COL4A2: variants seen among roughly 807,000 people sequenced by gnomAD.
COL4A2 encodes collagen alpha-2(IV) chain.
In COL4A2, 99 loss-of-function variants were observed where a neutral mutation model predicts 200.2. The ratio of observed to expected loss-of-function variants is 0.49; its 90% CI spans 0.42 to 0.58. The LOEUF is 0.58. COL4A2 is among the 20% of genes least tolerant of loss of function. COL4A2 has a pLI of 0.00. For synonymous variants in COL4A2, 897 were observed against 900.6 expected (o/e 1.00, Z 0.07); for missense variants, 1,950 against 2,314.1 (o/e 0.84, Z 3.23).
At chr13:110,485,522 CAAAAA>C (rs34819988) in intron 33 of COL4A2, 128 bp from the exon 34 acceptor site, 6,418 of 355,316 alleles carry the variant, frequency 0.018, no homozygotes, top group South Asian at 0.025. Flanking sequence ...GACTCCGTCT[CAAAAA>C]AAAAAAAAAA....
At chr13:110,411,364 A>AG (rs1348023628) in intron 4 of COL4A2, among the ~76,000 whole-genome samples, 1 of 152,392 alleles carries the variant, frequency 6.6e-6, no homozygotes, top group African/African-American at 2.4e-5. Flanking sequence ...GAGAAGGTAG[A>AG]GAAAGCATAG....
chr13:110,315,324 A>G (rs1001128918), intron 3 of COL4A2, among the ~76,000 whole-genome samples: 1 of 152,238 alleles, frequency 6.6e-6, no homozygotes, highest in Non-Finnish European at 1.5e-5. Context: ...ATCGAGGATT[A>G]TAAGTCATGA....
chr13:110,424,204 T>C (rs548001425), intron 4 of COL4A2, among the ~76,000 whole-genome samples: 97 of 152,246 alleles, frequency 6.4e-4, no homozygotes, highest in Non-Finnish European at 1.2e-3. Context: ...TATAACTTTT[T>C]TTAATAACAG....
intron 4 of COL4A2, among the ~76,000 whole-genome samples, chr13:110,371,832 G>C (rs968920457): frequency 6.6e-6 from 1 of 152,124 alleles, no homozygotes; most frequent in African/African-American, 2.4e-5. Flanking sequence ...TGGCCGTGCC[G>C]GGAGCTCATT....
At chr13:110,467,987 C>A (rs747837402) in intron 27 of COL4A2, among the ~76,000 whole-genome samples, 1 of 152,370 alleles carries the variant, frequency 6.6e-6, no homozygotes, top group East Asian at 1.9e-4. Context: ...TCTTCTGGAA[C>A]TAAGTCCCCA....
At chr13:110,429,426 C>G (rs1880592184) in intron 7 of COL4A2, 1 of 155,072 alleles carries the variant, frequency 6.4e-6, no homozygotes, top group African/African-American at 2.4e-5. Flanking sequence ...TTTACACATG[C>G]ACATATGTAT....
At chr13:110,420,901 G>A (rs1334895669) in intron 4 of COL4A2, among the ~76,000 whole-genome samples, 1 of 152,208 alleles carries the variant, frequency 6.6e-6, no homozygotes, top group Non-Finnish European at 1.5e-5. Context: ...CAGCGGAGAG[G>A]GATCCATCTG....
Position 110,429,969 on chromosome 13 carries a change from G to C in COL4A2, c.549+13G>C. 1 of 1,584,940 alleles carries C rather than the reference G, an allele frequency of 6.3e-7. No individual in the cohort carries two copies. Among genetic ancestry groups the C allele is most frequent in the Non-Finnish European group, 8.6e-7 (1 of 1,168,818 alleles). ...CGACAGATATCGGGTACGTTTGCAA[G>C]AGATGGGAGGGGTAATGAAGGGACC... On this transcript the variant is annotated intron_variant, in intron 8 of 47. Coordinates refer to ENST00000360467, the MANE Select transcript of COL4A2 (RefSeq NM_001846.4).
At chr13:110,327,387 C>G (rs2139357902) in intron 3 of COL4A2, among the ~76,000 whole-genome samples, 1 of 152,354 alleles carries the variant, frequency 6.6e-6, no homozygotes, top group Middle Eastern at 3.4e-3. Context: ...CCTCGCGTCA[C>G]AGACCACATT....
intron 4 of COL4A2, among the ~76,000 whole-genome samples, chr13:110,391,739 T>G (rs565905608): frequency 6.6e-6 from 1 of 152,216 alleles, no homozygotes; most frequent in Admixed American, 6.5e-5. Context: ...CAAAGTAATC[T>G]TTAGTATCTA....
rs757725450 is a variant in COL4A2, at chr13:110,307,970, C to T, written c.44+23C>T. 9.9e-6 allele frequency: 16 copies of T among 1,612,180 alleles called. No homozygotes were observed. Among genetic ancestry groups the T allele is most frequent in the Admixed American group, 5.0e-5 (3 of 59,950 alleles). On this transcript the variant is annotated intron_variant, in intron 2 of 47. Coordinates refer to ENST00000360467, the MANE Select transcript of COL4A2 (RefSeq NM_001846.4). This position sits in a 1 kb window ranked among gnomAD's most constrained non-coding sequence, Gnocchi z 5.0. ...GCGGTAAGCGACTTTCTGCCTGGTC[C>T]CCGTGGGTCACGCGCGCATGGACCC... is the stretch of plus-strand genomic sequence containing the variant.
chr13:110,430,381 A>G lies in COL4A2; in HGVS notation c.550-20A>G, dbSNP rs1880630964. On this transcript the variant is annotated intron_variant, in intron 8 of 47. Transcript: ENST00000360467. ...GATGGTTAAAAGCTATCACTCTTAA[A>G]ATTATTTCTTCTCCATTAGGGTGAA... 1 of 1,606,342 alleles carries G rather than the reference A, an allele frequency of 6.2e-7. No individual in the cohort carries two copies. Among genetic ancestry groups the G allele is most frequent in the African/African-American group, 1.3e-5 (1 of 74,198 alleles).
chr13:110,326,832 G>A (rs2139357339), intron 3 of COL4A2, among the ~76,000 whole-genome samples: 1 of 152,364 alleles, frequency 6.6e-6, no homozygotes, highest in African/African-American at 2.4e-5. Flanking sequence ...CTTCCCTTGA[G>A]TGTGGGTTGG....
chr13:110,308,097 G>T lies in COL4A2; in HGVS notation c.73G>T (p.Gly25Trp), dbSNP rs745779326. ...GCTGCTGCTGGGGACAGTGACCGTG[G>T]GGTTCCTCGCCCAGAGCGTCTTGGC... The part of the protein sequence containing the change: ...RWLLLGTVTV[G>W]FLAQSVLAGV... The change falls in exon 3 of 48, where the codon GGG becomes TGG. Residue 25 changes from glycine to tryptophan, a missense_variant. Transcript: ENST00000360467. 7 of 1,613,734 alleles carry T rather than the reference G, an allele frequency of 4.3e-6. No individual in the cohort carries two copies. In the South Asian group the frequency reaches 6.6e-5, roughly 15 times the overall value.
intron 4 of COL4A2, among the ~76,000 whole-genome samples, chr13:110,368,983 C>T (rs1190056157): frequency 5.9e-5 from 9 of 152,000 alleles, no homozygotes; most frequent in Non-Finnish European, 2.9e-5. Flanking sequence ...CCGAGGAGGG[C>T]GGATCACGAG....
At chr13:110,432,234 C>A in intron 10 of COL4A2, 91 bp from the exon 11 acceptor site, 1 of 1,443,178 alleles carries the variant, frequency 6.9e-7, no homozygotes, top group Non-Finnish European at 9.1e-7. Context: ...CCTAAATATA[C>A]AGTCAATGGC....
chr13:110,500,870 C>T (rs1399581423), intron 40 of COL4A2, among the ~76,000 whole-genome samples: 2 of 152,190 alleles, frequency 1.3e-5, no homozygotes, highest in African/African-American at 4.8e-5. Flanking sequence ...ACTTCACAGC[C>T]TTCTTGCACT....
chr13:110,503,810 TTGTG>T lies in COL4A2; in HGVS notation c.4139-33_4139-30del, dbSNP rs1297435467. 9 of 1,613,162 alleles carry T rather than the reference TTGTG, an allele frequency of 5.6e-6. 1 individual carries two copies. The highest frequency in any genetic ancestry group is 5.9e-6 in the Non-Finnish European group (7 of 1,179,432). Reference sequence around the variant, plus strand: ...CTCGGAGCAAGAGAGTGGAACGACCTTGTGTGTTTACTGGGGCCTCTCTGTTTCC... The same window carrying T: ...CTCGGAGCAAGAGAGTGGAACGACCTTGTTTACTGGGGCCTCTCTGTTTCC... On this transcript the variant is annotated intron_variant, in intron 43 of 47. Transcript: ENST00000360467.
chr13:110,313,613 T>C (rs112644580), intron 3 of COL4A2, among the ~76,000 whole-genome samples: 194 of 258 alleles, frequency 0.75, 92 homozygotes, highest in Non-Finnish European at 1. Context: ...CAGTGCCCCG[T>C]GTCCACCCGG....
Sources: allele counts gnomAD v4.1 joint callset (sites outside exome capture counted in the v4.1 genomes callset), GRCh38; gene constraint gnomAD v4.1.1; non-coding constraint Gnocchi (gnomAD v3.1); transcripts MANE v1.5; gene names NCBI Gene and HGNC (gene_info 2026-07-23, HGNC 2026-07-21).